KIAA0825: variants seen among roughly 807,000 people sequenced by gnomAD.
KIAA0825 encodes the protein uncharacterized protein KIAA0825.
Under a neutral mutation model 147.6 loss-of-function variants are expected in KIAA0825, and 119 were observed. The observed-to-expected ratio is 0.81, with a 90% CI of 0.69 to 0.94. The LOEUF (loss-of-function observed/expected upper bound fraction) is 0.94. Ranked by LOEUF, KIAA0825 falls within the 40% of genes least tolerant of loss-of-function variation. The pLI, the probability that KIAA0825 is intolerant of heterozygous loss-of-function variation, is 0.00. For missense variants in KIAA0825, 1,381 were observed against 1,472.7 expected (o/e 0.94, Z 1.02); for synonymous variants, 470 against 518.1 (o/e 0.91, Z 1.26).
chr5:94,337,394 T>C (rs1415131773), intron 20 of KIAA0825, among the ~76,000 whole-genome samples: 2 of 152,226 alleles, frequency 1.3e-5, no homozygotes, highest in Non-Finnish European at 2.9e-5. Flanking sequence ...TGTATAATTC[T>C]TCCTTTGTTC....
chr5:94,153,954 C>T lies in KIAA0825; in HGVS notation c.*53G>A. On this transcript the variant is annotated 3_prime_UTR_variant, in exon 21 of 21. Coordinates refer to ENST00000682413, the MANE Select transcript of KIAA0825 (RefSeq NM_001145678.3). ...ATTCTGACTATGGTAAAAAATCCTA[C>T]TCCATTACATGGGATTGTTTCCTAA... 1.6e-6 allele frequency: 2 copies of T among 1,256,940 alleles called. No individual in the cohort carries two copies. The highest frequency in any genetic ancestry group is 1.1e-6 in the Non-Finnish European group (1 of 879,990). The allele number at this position is 1,256,940 out of a possible 1,614,324, so 77.9% of individuals were successfully genotyped here.
At chr5:94,423,896 T>A (rs1002681761) in intron 14 of KIAA0825, among the ~76,000 whole-genome samples, 1 of 152,194 alleles carries the variant, frequency 6.6e-6, no homozygotes, top group Non-Finnish European at 1.5e-5. Context: ...ACAGCCTAGA[T>A]CACTGTGAAA....
At chr5:94,541,105 A>G (rs1001729106) in intron 2 of KIAA0825, among the ~76,000 whole-genome samples, 1 of 152,210 alleles carries the variant, frequency 6.6e-6, no homozygotes, top group Non-Finnish European at 1.5e-5. Context: ...TGTACAATTT[A>G]AAGGTGATTA....
At chr5:94,266,394 C>T (rs1296695041) in intron 20 of KIAA0825, among the ~76,000 whole-genome samples, 1 of 152,022 alleles carries the variant, frequency 6.6e-6, no homozygotes, top group Non-Finnish European at 1.5e-5. Context: ...TGTCATAAAT[C>T]TTCTGTGGTA....
rs933415764 is a variant in KIAA0825 at position 94,151,183 on chromosome 5, C to T, written c.*2824G>A. On this transcript the variant is annotated 3_prime_UTR_variant, in exon 21 of 21. Transcript: ENST00000682413. Reference sequence around the variant, plus strand: ...CTGTAATCCCAGCACTTTGGGAGGCCGAGGCGGGTGGATCATGAGGTCAGG... The same window carrying T: ...CTGTAATCCCAGCACTTTGGGAGGCTGAGGCGGGTGGATCATGAGGTCAGG... Among the ~76,000 whole-genome samples the T allele has an allele frequency of 4.7e-5, 7 of 149,902 alleles. No homozygotes were observed. Among genetic ancestry groups the T allele is most frequent in the African/African-American group, 9.8e-5 (4 of 40,700 alleles).
chr5:94,443,795 ATGT>A (rs141259200), intron 13 of KIAA0825, among the ~76,000 whole-genome samples: 3,399 of 152,238 alleles, frequency 0.022, 146 homozygotes, highest in African/African-American at 0.078. Flanking sequence ...TTCCAACTTG[ATGT>A]GAGGTAAGGC....
intron 20 of KIAA0825, among the ~76,000 whole-genome samples, chr5:94,334,272 A>C (rs1781573093): frequency 6.6e-6 from 1 of 152,276 alleles, no homozygotes. Context: ...AGACAAGTAG[A>C]AGATATGAAA....
intron 12 of KIAA0825, among the ~76,000 whole-genome samples, chr5:94,453,916 ATAAT>A (rs1758755825): frequency 6.6e-6 from 1 of 151,950 alleles, no homozygotes; most frequent in African/African-American, 2.4e-5. Flanking sequence ...TAAATATTAA[ATAAT>A]TAATTAGAAT....
At position 94,406,000 on chromosome 5, in the gene KIAA0825, C is replaced by T. The variant is rs562015260; in HGVS notation, c.2663-2207G>A. On this transcript the variant is annotated intron_variant, in intron 15 of 20. Coordinates refer to ENST00000682413, the MANE Select transcript of KIAA0825 (RefSeq NM_001145678.3). The stretch of plus-strand genomic sequence containing the variant: ...GGAGTTCAGTGGCATGATCTTGGCT[C>T]ACTGCAACCTCCGCGTCCCAGGTTC... 3.3e-5 allele frequency among the ~76,000 whole-genome samples: 5 copies of T among 152,112 alleles called. No individual in the cohort carries two copies. In the East Asian group the frequency reaches 9.6e-4, roughly 29 times the overall value.
intron 8 of KIAA0825, 148 bp downstream of exon 8, chr5:94,473,144 A>G: frequency 1.6e-6 from 1 of 620,936 alleles, no homozygotes; most frequent in Non-Finnish European, 2.8e-6. Context: ...GCCCATGGAT[A>G]CCACTGAAGA....
At chr5:94,270,793 G>A (rs1583994516) in intron 20 of KIAA0825, among the ~76,000 whole-genome samples, 1 of 152,064 alleles carries the variant, frequency 6.6e-6, no homozygotes, top group Non-Finnish European at 1.5e-5. Flanking sequence ...TGTATGTATG[G>A]AGATAAAACA....
intron 20 of KIAA0825, among the ~76,000 whole-genome samples, chr5:94,345,946 A>G (rs1782938615): frequency 6.6e-6 from 1 of 152,146 alleles, no homozygotes; most frequent in Non-Finnish European, 1.5e-5. Flanking sequence ...TGCACCGGTA[A>G]TTAGAACAGA....
At chr5:94,245,845 G>T (rs531419531) in intron 20 of KIAA0825, among the ~76,000 whole-genome samples, 1 of 152,168 alleles carries the variant, frequency 6.6e-6, no homozygotes, top group South Asian at 2.1e-4. Context: ...GTGGGTGCGC[G>T]GCGAGGAGGC....
At chr5:94,539,830 T>C (rs2151362606) in intron 2 of KIAA0825, among the ~76,000 whole-genome samples, 1 of 152,200 alleles carries the variant, frequency 6.6e-6, no homozygotes, top group East Asian at 1.9e-4. Context: ...TAAAGTCCCT[T>C]TTGGCTAAGA....
intron 4 of KIAA0825, among the ~76,000 whole-genome samples, chr5:94,523,071 T>G (rs1191955029): frequency 6.6e-6 from 1 of 151,674 alleles, no homozygotes; most frequent in African/African-American, 2.4e-5. Context: ...TTTATTACTT[T>G]GTAAAATTAA....
intron 14 of KIAA0825, among the ~76,000 whole-genome samples, chr5:94,422,876 T>G (rs763968056): frequency 6.6e-6 from 1 of 152,200 alleles, no homozygotes; most frequent in Non-Finnish European, 1.5e-5. Context: ...AACCCACACC[T>G]GGACTCTTAT....
intron 1 of KIAA0825, among the ~76,000 whole-genome samples, chr5:94,592,166 TAC>T (rs1200852236): frequency 6.6e-6 from 1 of 152,150 alleles, no homozygotes; most frequent in Non-Finnish European, 1.5e-5. Context: ...AACTCAAAAA[TAC>T]ACAGTCCAAA....
chr5:94,204,860 T>G (rs1051836147), intron 20 of KIAA0825, among the ~76,000 whole-genome samples: 1 of 152,116 alleles, frequency 6.6e-6, no homozygotes, highest in Non-Finnish European at 1.5e-5. Flanking sequence ...CCTGTAATAC[T>G]AAGACAAAGG....
chr5:94,576,808 A>G (rs371357320), intron 2 of KIAA0825, among the ~76,000 whole-genome samples: 9 of 152,238 alleles, frequency 5.9e-5, no homozygotes, highest in African/African-American at 2.2e-4. Context: ...TTACATTTAT[A>G]AATTATAATA....
Sources: gnomAD v4.1 joint callset for allele counts (sites outside exome capture counted in the v4.1 genomes callset) on GRCh38, gnomAD v4.1.1 for gene constraint, MANE v1.5 for transcripts, NCBI Gene and HGNC (gene_info 2026-07-23, HGNC 2026-07-21) for gene names.